OR2L3: variants seen among roughly 807,000 people sequenced by gnomAD.
The protein encoded by OR2L3 is olfactory receptor family 2 subfamily L member 3.
For missense variants in OR2L3, 369 were observed against 376.6 expected (o/e 0.98, Z 0.17); for synonymous variants, 131 against 139.1 (o/e 0.94, Z 0.41).
rs113050484 is a variant in OR2L3 at position 248,061,316 on chromosome 1, C to T, written c.635C>T (p.Ala212Val). 2 of 1,570,516 alleles carry T rather than the reference C, an allele frequency of 1.3e-6. No homozygotes were observed. The highest frequency in any genetic ancestry group is 1.7e-5 in the Admixed American group (1 of 58,680). ...TTIFLVFPFI[A>V]ISCSYGRVLL... ...ATCTTTCTCGTGTTTCCCTTCATTGCTATTTCATGTTCCTATGGCCGGGTT... is the reference window on the plus strand; with the variant it reads ...ATCTTTCTCGTGTTTCCCTTCATTGTTATTTCATGTTCCTATGGCCGGGTT... Residue 212 changes from alanine (A) to valine (V), a missense_variant, in exon 2 of 2, where the codon GCT becomes GTT. Physicochemically the swap from Ala to Val is moderately conservative, Grantham distance 64. Coordinates refer to ENST00000359959, the MANE Select transcript of OR2L3 (RefSeq NM_001004687.2).
At chr1:248,049,953 AG>A (rs1208726390) in intron 1 of OR2L3, among the ~76,000 whole-genome samples, 2 of 152,146 alleles carry the variant, frequency 1.3e-5, no homozygotes, top group African/African-American at 2.4e-5. Context: ...GATCTAGAGG[AG>A]TTTACTGAAA....
Position 248,061,406 on chromosome 1 carries a change from C to A in OR2L3, c.725C>A (p.Thr242Asn), listed in dbSNP as rs1444841218. The A allele has an allele frequency of 3.7e-6, 6 of 1,614,116 alleles. No individual in the cohort carries two copies. Among genetic ancestry groups the A allele is most frequent in the East Asian group, 2.2e-5 (1 of 44,860 alleles). ...AAGAAAGCCTACCTGACCTGCAGCA[C>A]CCACCTCACTGTAGTAACTTTCTAC... ...GRKKAYLTCS[T>N]HLTVVTFYYA... Residue 242 changes from threonine to asparagine, a missense_variant, in exon 2 of 2, where the codon ACC becomes AAC. Transcript: ENST00000359959.
Position 248,061,502 on chromosome 1 carries a change from C to T in OR2L3, c.821C>T (p.Ala274Val). Residue 274 changes from alanine (A) to valine (V), a missense_variant, in exon 2 of 2, where the codon GCT (alanine) becomes GTT (valine). Transcript: ENST00000359959. ...TCTCCAACAGAGGACAAGGTTCTGG[C>T]TGTCTTCTACACCACCCTCACTCCA... ...LRSPTEDKVL[A>V]VFYTTLTPML... 1 of 1,613,938 alleles carries T rather than the reference C, an allele frequency of 6.2e-7. No individual in the cohort carries two copies. The highest frequency in any genetic ancestry group is 8.5e-7 in the Non-Finnish European group (1 of 1,179,910).
At chr1:248,054,570 T>A (rs1255577729) in intron 1 of OR2L3, among the ~76,000 whole-genome samples, 2 of 152,208 alleles carry the variant, frequency 1.3e-5, no homozygotes, top group East Asian at 3.8e-4. Flanking sequence ...TTCCTATCCA[T>A]GAGTATGGAA....
At chr1:248,055,528 G>T (rs1434005885) in intron 1 of OR2L3, among the ~76,000 whole-genome samples, 1 of 152,194 alleles carries the variant, frequency 6.6e-6, no homozygotes, top group Non-Finnish European at 1.5e-5. Context: ...GGCCAAGGCA[G>T]GTGGATCAAC....
At chr1:248,059,081 A>G (rs1247108830) in intron 1 of OR2L3, among the ~76,000 whole-genome samples, 1 of 151,962 alleles carries the variant, frequency 6.6e-6, no homozygotes, top group Non-Finnish European at 1.5e-5. Flanking sequence ...ACAACAATTC[A>G]TTCTTTCTGC....
intron 1 of OR2L3, among the ~76,000 whole-genome samples, chr1:248,057,138 G>A (rs1047396650): frequency 1.9e-4 from 29 of 152,190 alleles, no homozygotes; most frequent in African/African-American, 6.5e-4. Flanking sequence ...GGAGAGTTCT[G>A]TAGACATCTA....
rs561862937 is a variant in OR2L3 at position 248,059,228 on chromosome 1, C to T, written c.-21-1433C>T. Among the ~76,000 whole-genome samples the T allele has an allele frequency of 4.5e-4, 68 of 152,212 alleles. 1 individual carries two copies. Among genetic ancestry groups the T allele is most frequent in the African/African-American group, 1.6e-3 (66 of 41,538 alleles). ...AGCTCAAAATTCTGGTGGTATTTGG[C>T]TCTAGACTAATATTTAAGCCTAAAA... On this transcript the variant is annotated intron_variant, in intron 1 of 1. Transcript: ENST00000359959.
rs1314223633 is a variant in OR2L3 at position 248,062,891 on chromosome 1, A to G, written c.*1271A>G. 39 of 152,212 alleles carry G rather than the reference A, an allele frequency of 2.6e-4. No individual in the cohort carries two copies. The allele number at this position is 152,212 out of a possible 1,614,324, so 9.4% of individuals were successfully genotyped here. On this transcript the variant is annotated 3_prime_UTR_variant, in exon 2 of 2. Coordinates refer to ENST00000359959, the MANE Select transcript of OR2L3 (RefSeq NM_001004687.2). Reference sequence around the variant, plus strand: ...TATGTATCCATAGTAATTAAAATAAAAGAACCAGTTCACTGTAGATATATG... The same window carrying G: ...TATGTATCCATAGTAATTAAAATAAGAGAACCAGTTCACTGTAGATATATG...
intron 1 of OR2L3, among the ~76,000 whole-genome samples, chr1:248,057,184 T>G (rs1410439432): frequency 6.6e-6 from 1 of 152,154 alleles, no homozygotes; most frequent in African/African-American, 2.4e-5. Flanking sequence ...GTTCAAGTCC[T>G]GAATATCTTT....
At chr1:248,050,811 A>T (rs1292665408) in intron 1 of OR2L3, among the ~76,000 whole-genome samples, 1 of 152,224 alleles carries the variant, frequency 6.6e-6, no homozygotes, top group Non-Finnish European at 1.5e-5. Context: ...TGCCAATCTC[A>T]TCTTGATTCC....
intron 1 of OR2L3, among the ~76,000 whole-genome samples, chr1:248,060,390 T>TCA (rs1337793236): frequency 4.6e-5 from 7 of 152,306 alleles, no homozygotes; most frequent in African/African-American, 1.4e-4. Flanking sequence ...TAAAACATTT[T>TCA]GAGAGAGAAA....
chr1:248,060,318 TA>T (rs1264647431), intron 1 of OR2L3, among the ~76,000 whole-genome samples: 1 of 152,122 alleles, frequency 6.6e-6, no homozygotes, highest in Non-Finnish European at 1.5e-5. Flanking sequence ...AAACTCTAGG[TA>T]AAAATTAAGA....
chr1:248,056,236 T>C (rs543814952), intron 1 of OR2L3, among the ~76,000 whole-genome samples: 1 of 152,164 alleles, frequency 6.6e-6, no homozygotes, highest in Non-Finnish European at 1.5e-5. Context: ...GTTAGTTACA[T>C]ATGTATACAT....
chr1:248,048,189 G>C (rs1481454636), intron 1 of OR2L3, among the ~76,000 whole-genome samples: 2 of 152,102 alleles, frequency 1.3e-5, no homozygotes. Context: ...CACCATCGTG[G>C]ACCTCAATGG....
At chr1:248,054,618 G>A (rs891891021) in intron 1 of OR2L3, among the ~76,000 whole-genome samples, 4 of 151,982 alleles carry the variant, frequency 2.6e-5, no homozygotes, top group African/African-American at 4.8e-5. Flanking sequence ...TGATTTCCTT[G>A]AACAATGGTT....
rs570904473 is a variant in OR2L3, at chr1:248,049,466, T to C, written c.-22+2586T>C. On this transcript the variant is annotated intron_variant, in intron 1 of 1. Transcript: ENST00000359959. Reference sequence around the variant, plus strand: ...ATTTACAGAGGAGATTATATGGGTGTTTTTTTATAACTGAATTCTTCCAGT... The same window carrying C: ...ATTTACAGAGGAGATTATATGGGTGCTTTTTTATAACTGAATTCTTCCAGT... Among the ~76,000 whole-genome samples, 4 of 152,242 alleles carry C rather than the reference T, an allele frequency of 2.6e-5. No individual in the cohort carries two copies. The East Asian group carries it at 7.7e-4, about 29-fold the overall frequency.
Position 248,062,763 on chromosome 1 carries a change from C to A in OR2L3, c.*1143C>A, listed in dbSNP as rs1205117581. On this transcript the variant is annotated 3_prime_UTR_variant, in exon 2 of 2. Transcript: ENST00000359959. ...GAATGTTCCCAACACAAAGAAATAA[C>A]CATATTTGAGGTGATGGTTACCCCG... is the stretch of plus-strand genomic sequence containing the variant. 1 of 152,032 alleles carries A rather than the reference C, an allele frequency of 6.6e-6. No homozygotes were observed. Among genetic ancestry groups the A allele is most frequent in the African/African-American group, 2.4e-5 (1 of 41,378 alleles). 9.4% of individuals were successfully genotyped at this position (152,032 alleles called of 1,614,324 possible). A position where few individuals can be genotyped will look rare whatever the true frequency, so the allele number is the denominator to read the frequency against.
intron 1 of OR2L3, among the ~76,000 whole-genome samples, chr1:248,048,230 CATATA>C (rs1476537050): frequency 2.6e-5 from 4 of 152,196 alleles, no homozygotes; most frequent in Non-Finnish European, 5.9e-5. Flanking sequence ...CACATACACA[CATATA>C]AAGCAAATAT....
Sources: gnomAD v4.1 joint callset for allele counts (sites outside exome capture counted in the v4.1 genomes callset) on GRCh38, gnomAD v4.1.1 for gene constraint, MANE v1.5 for transcripts, NCBI Gene and HGNC (gene_info 2026-07-23, HGNC 2026-07-21) for gene names.